SEMA3D: variants seen among roughly 807,000 people sequenced by gnomAD.
The protein encoded by SEMA3D is semaphorin 3D, also known as semaphorin-3D.
In SEMA3D, 84 loss-of-function variants were observed where a neutral mutation model predicts 100.1. The ratio of observed to expected loss-of-function variants is 0.84; its 90% CI spans 0.70 to 1.01. The LOEUF is 1.01. SEMA3D is among the 50% of genes least tolerant of loss of function. The probability of loss-of-function intolerance (pLI) is 0.00; values close to 1 mark genes in which losing one functional copy is unlikely to be tolerated. For synonymous variants in SEMA3D, 312 were observed against 320.7 expected (o/e 0.97, Z 0.29); for missense variants, 875 against 934.1 (o/e 0.94, Z 0.82).
At chr7:85,037,979 AGGTGGGAAT>A (rs1251890339) in intron 11 of SEMA3D, among the ~76,000 whole-genome samples, 3 of 139,482 alleles carry the variant, frequency 2.2e-5, no homozygotes, top group Non-Finnish European at 3.0e-5. Context: ...CCTTGCGAAT[AGGTGGGAAT>A]TGAACAATGA....
intron 1 of SEMA3D, among the ~76,000 whole-genome samples, chr7:85,176,888 T>A (rs551685675): frequency 2.0e-5 from 3 of 152,256 alleles, no homozygotes; most frequent in Admixed American, 2.0e-4. Flanking sequence ...GGATCACATA[T>A]ATCAAGGTGG....
intron 2 of SEMA3D, among the ~76,000 whole-genome samples, chr7:85,148,025 TA>T (rs1452767850): frequency 6.6e-6 from 1 of 152,176 alleles, no homozygotes; most frequent in Non-Finnish European, 1.5e-5. Flanking sequence ...GAACAAAAGT[TA>T]ATCAAATTAT....
intron 15 of SEMA3D, among the ~76,000 whole-genome samples, chr7:85,016,007 A>G (rs1207881477): frequency 6.6e-6 from 1 of 151,700 alleles, no homozygotes; most frequent in East Asian, 2.0e-4. Flanking sequence ...TCTATGTTAG[A>G]AATAGGTATT....
intron 17 of SEMA3D, among the ~76,000 whole-genome samples, chr7:85,011,140 A>C (rs2115777244): frequency 6.6e-6 from 1 of 151,974 alleles, no homozygotes; most frequent in African/African-American, 2.4e-5. Context: ...CAGTGGTTTA[A>C]AATCAGCTCA....
chr7:85,082,898 C>G (rs1017041), intron 4 of SEMA3D, among the ~76,000 whole-genome samples: 117,375 of 152,140 alleles, frequency 0.77, 46,666 homozygotes, highest in East Asian at 0.99. Context: ...CTCAAGTGAT[C>G]AGCTAACCTT....
the SEMA3D span, among the ~76,000 whole-genome samples, chr7:85,213,339 A>C: frequency 4.6e-5 from 7 of 152,068 alleles, no homozygotes; most frequent in Non-Finnish European, 1.0e-4. Context: ...ACCTAAAACG[A>C]TACTAAGCTT....
chr7:85,204,347 T>TA, the SEMA3D span, among the ~76,000 whole-genome samples: 10,627 of 144,086 alleles, frequency 0.074, 831 homozygotes, highest in African/African-American at 0.19. Context: ...CTAATACAGT[T>TA]AAAAAAAAAA....
chr7:85,004,530 G>C (rs1789741063), intron 18 of SEMA3D, among the ~76,000 whole-genome samples: 1 of 152,046 alleles, frequency 6.6e-6, no homozygotes, highest in Non-Finnish European at 1.5e-5. Context: ...AAAGTCAGCA[G>C]ATAACTGACT....
At chr7:85,160,005 A>T (rs780897910) in intron 1 of SEMA3D, 16 of 975,852 alleles carry the variant, frequency 1.6e-5, no homozygotes, top group Non-Finnish European at 1.8e-5. Flanking sequence ...ACATCTCTCC[A>T]TGAACTATAT....
At chr7:85,157,289 A>G (rs1790627483) in intron 1 of SEMA3D, among the ~76,000 whole-genome samples, 1 of 152,220 alleles carries the variant, frequency 6.6e-6, no homozygotes, top group Admixed American at 6.5e-5. Context: ...TTTGATATCA[A>G]TGTTAAAATA....
At chr7:85,049,037 T>C (rs1791085865) in intron 9 of SEMA3D, among the ~76,000 whole-genome samples, 1 of 151,774 alleles carries the variant, frequency 6.6e-6, no homozygotes, top group Non-Finnish European at 1.5e-5. Flanking sequence ...CCACTTCTGA[T>C]ACTTAGGATT....
chr7:85,187,219 T>C (rs536670034), upstream of SEMA3D, among the ~76,000 whole-genome samples: 10 of 152,268 alleles, frequency 6.6e-5, no homozygotes, highest in East Asian at 1.9e-3. Context: ...GAGGTAGCCC[T>C]GGCCAAGCGC....
chr7:85,120,600 G>A (rs1307549803), intron 3 of SEMA3D, among the ~76,000 whole-genome samples: 3 of 149,904 alleles, frequency 2.0e-5, no homozygotes, highest in South Asian at 2.1e-4. Flanking sequence ...CCCAGGAGGC[G>A]GAGGTTGCAG....
intron 18 of SEMA3D, among the ~76,000 whole-genome samples, chr7:85,004,821 T>TA (rs930703293): frequency 2.6e-5 from 4 of 152,036 alleles, no homozygotes; most frequent in African/African-American, 9.7e-5. Context: ...ACTCTCTATT[T>TA]ACAAAGATAA....
intron 3 of SEMA3D, among the ~76,000 whole-genome samples, chr7:85,108,837 T>C (rs753054321): frequency 6.6e-6 from 1 of 152,008 alleles, no homozygotes; most frequent in Non-Finnish European, 1.5e-5. Flanking sequence ...CTAGAAGTGA[T>C]CAATGACCTG....
chr7:85,246,323 G>A, the SEMA3D span, among the ~76,000 whole-genome samples: 2 of 151,980 alleles, frequency 1.3e-5, no homozygotes, highest in East Asian at 1.9e-4. Flanking sequence ...CAACAGAAGT[G>A]TATTTGGAAG....
the SEMA3D span, among the ~76,000 whole-genome samples, chr7:85,209,699 T>C: frequency 6.6e-6 from 1 of 152,072 alleles, no homozygotes; most frequent in Non-Finnish European, 1.5e-5. Flanking sequence ...CTGTAGAAAC[T>C]AGAAAACTCA....
At chr7:85,165,823 G>T (rs1475745308) in intron 1 of SEMA3D, among the ~76,000 whole-genome samples, 1 of 152,028 alleles carries the variant, frequency 6.6e-6, no homozygotes, top group Non-Finnish European at 1.5e-5. Flanking sequence ...AAAATATGTG[G>T]TAGAGAAAGC....
At chr7:85,082,025 T>C (rs1788079042) in intron 4 of SEMA3D, among the ~76,000 whole-genome samples, 1 of 152,206 alleles carries the variant, frequency 6.6e-6, no homozygotes, top group South Asian at 2.1e-4. Context: ...CAAGGACCAG[T>C]GTGAATTTGT....
Sources: allele counts gnomAD v4.1 joint callset (sites outside exome capture counted in the v4.1 genomes callset), GRCh38; gene constraint gnomAD v4.1.1; transcripts MANE v1.5; gene names NCBI Gene and HGNC (gene_info 2026-07-23, HGNC 2026-07-21).